Variants in SLC14A2 observed in about 807,000 individuals in gnomAD.
The protein encoded by SLC14A2 is solute carrier family 14 member 2.
SLC14A2 carries 91 observed loss-of-function variants against 104.6 expected under a neutral mutation model. The ratio of observed to expected loss-of-function variants is 0.87; its 90% CI spans 0.73 to 1.04. SLC14A2 has a LOEUF of 1.04. Among genes scored for constraint, SLC14A2 ranks in the 50% least tolerant of loss-of-function variants. The pLI is 0.00. For synonymous variants in SLC14A2, 476 were observed against 466.4 expected, an observed-to-expected ratio of 1.02 and a Z score of -0.27; for missense variants, 1,189 against 1,156.0, an observed-to-expected ratio of 1.03 and a Z score of -0.41.
chr18:45,275,038 A>T (rs946137236), intron 1 of SLC14A2, among the ~76,000 whole-genome samples: 4 of 152,136 alleles, frequency 2.6e-5, no homozygotes, highest in Admixed American at 1.3e-4. Context: ...TTATGATTAT[A>T]TTTCTCTGTA....
chr18:45,566,279 C>T (rs1338559299), intron 2 of SLC14A2, among the ~76,000 whole-genome samples: 4 of 152,146 alleles, frequency 2.6e-5, no homozygotes, highest in African/African-American at 4.8e-5. Flanking sequence ...CCAAGTCACA[C>T]AGCTAGAAAT....
intron 1 of SLC14A2, among the ~76,000 whole-genome samples, chr18:45,467,975 G>C (rs2087174708): frequency 6.6e-6 from 1 of 152,104 alleles, no homozygotes; most frequent in Non-Finnish European, 1.5e-5. Context: ...AACTGCATCA[G>C]CACAGCCACC....
intron 1 of SLC14A2, among the ~76,000 whole-genome samples, chr18:45,311,950 G>T (rs560050190): frequency 6.6e-6 from 1 of 152,312 alleles, no homozygotes; most frequent in African/African-American, 2.4e-5. Flanking sequence ...TGATGCTGGA[G>T]ACAAGCTATG....
chr18:45,217,738 C>T (rs182565320), intron 1 of SLC14A2, among the ~76,000 whole-genome samples: 32 of 152,092 alleles, frequency 2.1e-4, no homozygotes. Flanking sequence ...ATTTTCTGGC[C>T]CTGTGCTTAC....
chr18:45,470,562 G>A (rs1010038060), intron 1 of SLC14A2, among the ~76,000 whole-genome samples: 2 of 152,088 alleles, frequency 1.3e-5, no homozygotes, highest in African/African-American at 4.8e-5. Context: ...TGGTTTGTGT[G>A]TAGGTTCATA....
chr18:45,286,718 T>TTGTG (rs112827861), intron 1 of SLC14A2, among the ~76,000 whole-genome samples: 18 of 150,608 alleles, frequency 1.2e-4, no homozygotes, highest in African/African-American at 2.2e-4. Flanking sequence ...TCCCCCCAAC[T>TTGTG]TGTGTGTGTG....
At chr18:45,338,135 C>T (rs2085354192) in intron 1 of SLC14A2, among the ~76,000 whole-genome samples, 2 of 152,076 alleles carry the variant, frequency 1.3e-5, no homozygotes, top group Non-Finnish European at 2.9e-5. Flanking sequence ...TCTTTGAATC[C>T]ACCTATGACC....
chr18:45,565,580 T>C (rs1279348840), intron 2 of SLC14A2, among the ~76,000 whole-genome samples: 2 of 152,178 alleles, frequency 1.3e-5, no homozygotes, highest in East Asian at 3.9e-4. Flanking sequence ...ATGAGGACGA[T>C]GAGGCTCAGG....
At chr18:45,276,924 C>A (rs1049401226) in intron 1 of SLC14A2, among the ~76,000 whole-genome samples, 1 of 152,210 alleles carries the variant, frequency 6.6e-6, no homozygotes, top group Non-Finnish European at 1.5e-5. Flanking sequence ...AGACTTAAAA[C>A]CAATCTCTCT....
chr18:45,531,853 A>C (rs1009460248), intron 2 of SLC14A2, among the ~76,000 whole-genome samples: 5 of 152,176 alleles, frequency 3.3e-5, no homozygotes, highest in Non-Finnish European at 5.9e-5. Flanking sequence ...GTAAGTCTTT[A>C]ATCCATCTTG....
At position 45,668,022 on chromosome 18, in the gene SLC14A2, AG is replaced by A. The variant is rs973590269; in HGVS notation, c.1907+1del. ...ACAGCCCTCATCCTGAGTCAGGACA[AG>A]TAAGTCCCAGAGGCTCAGGGTCCAA... On this transcript the variant is annotated splice_donor_variant, in intron 14 of 19. Transcript: ENST00000255226. LOFTEE classifies it high-confidence loss of function. 21 of 1,613,932 alleles carry A rather than the reference AG, an allele frequency of 1.3e-5. No individual in the cohort carries two copies. Among genetic ancestry groups the A allele is most frequent in the Non-Finnish European group, 1.8e-5 (21 of 1,179,860 alleles).
chr18:45,274,486 T>C (rs761798233), intron 1 of SLC14A2, among the ~76,000 whole-genome samples: 3 of 152,212 alleles, frequency 2.0e-5, no homozygotes, highest in Non-Finnish European at 4.4e-5. Context: ...TAGTCCAAGC[T>C]TTCACAAGGT....
intron 1 of SLC14A2, among the ~76,000 whole-genome samples, chr18:45,325,590 C>T (rs1210953109): frequency 6.6e-6 from 1 of 152,032 alleles, no homozygotes; most frequent in Admixed American, 6.5e-5. Flanking sequence ...TATGGGAGTC[C>T]TAGTAATTGC....
chr18:45,194,669 G>A, the SLC14A2 span, among the ~76,000 whole-genome samples: 1 of 116,218 alleles, frequency 8.6e-6, no homozygotes, highest in East Asian at 2.7e-4. Flanking sequence ...TTTTTGAGAC[G>A]GTGTCTCACA....
upstream of SLC14A2, among the ~76,000 whole-genome samples, chr18:45,210,751 C>G (rs146102322): frequency 6.6e-6 from 1 of 152,120 alleles, no homozygotes; most frequent in Non-Finnish European, 1.5e-5. Context: ...TTAACCAAAC[C>G]ATTCAAATTT....
intron 2 of SLC14A2, among the ~76,000 whole-genome samples, chr18:45,490,734 A>C (rs2042981891): frequency 6.6e-6 from 1 of 152,234 alleles, no homozygotes; most frequent in Non-Finnish European, 1.5e-5. Context: ...ATCTCCAAAA[A>C]TGTGTGTATA....
At chr18:45,221,473 C>T (rs191150650) in intron 1 of SLC14A2, among the ~76,000 whole-genome samples, 42 of 152,264 alleles carry the variant, frequency 2.8e-4, no homozygotes, top group African/African-American at 9.6e-4. Flanking sequence ...CAGAATCAGC[C>T]GGTGCTCACT....
intron 1 of SLC14A2, among the ~76,000 whole-genome samples, chr18:45,392,150 A>C (rs974199920): frequency 1.3e-5 from 2 of 152,184 alleles, no homozygotes; most frequent in African/African-American, 4.8e-5. Flanking sequence ...CCTGTGCTGC[A>C]TTACCTCCTT....
chr18:45,307,176 G>A (rs1192582387), intron 1 of SLC14A2, among the ~76,000 whole-genome samples: 2 of 151,936 alleles, frequency 1.3e-5, no homozygotes, highest in African/African-American at 2.4e-5. Context: ...TAGCACTTTG[G>A]GAGGCCAAGG....
Sources: allele counts gnomAD v4.1 joint callset (sites outside exome capture counted in the v4.1 genomes callset), GRCh38; gene constraint gnomAD v4.1.1; transcripts MANE v1.5; gene names NCBI Gene and HGNC (gene_info 2026-07-23, HGNC 2026-07-21).